BLTP2: variants seen among roughly 807,000 people sequenced by gnomAD.
The protein encoded by BLTP2 is bridge-like lipid transfer protein family member 2.
At chr17:28,644,911 T>A in the BLTP2 span, 1 of 1,128,140 alleles carries the variant, frequency 8.9e-7, no homozygotes, top group Non-Finnish European at 1.2e-6. Context: ...GCGCGCCCCC[T>A]CCTCAGTCTT....
At chr17:28,630,447 C>T in the BLTP2 span, among the ~76,000 whole-genome samples, 3 of 150,908 alleles carry the variant, frequency 2.0e-5, no homozygotes, top group South Asian at 6.3e-4. Context: ...CATGAGCCAC[C>T]TGAGCCCAGC....
the BLTP2 span, among the ~76,000 whole-genome samples, chr17:28,629,053 T>C: frequency 1.3e-5 from 2 of 152,088 alleles, no homozygotes; most frequent in Admixed American, 6.5e-5. Context: ...TTTTATTCTT[T>C]ATCAAAAAAC....
At chr17:28,636,856 T>C in the BLTP2 span, 3 of 877,448 alleles carry the variant, frequency 3.4e-6, no homozygotes, top group South Asian at 3.1e-5. Flanking sequence ...CTGGGCAACA[T>C]GTGACACTCT....
the BLTP2 span, among the ~76,000 whole-genome samples, chr17:28,622,165 A>G: frequency 6.6e-6 from 1 of 152,220 alleles, no homozygotes. Context: ...AAAATGCCAG[A>G]AAGATCCTGA....
chr17:28,619,397 A>G, the BLTP2 span, among the ~76,000 whole-genome samples: 1 of 152,088 alleles, frequency 6.6e-6, no homozygotes, highest in African/African-American at 2.4e-5. Flanking sequence ...TTGGGAGGCC[A>G]AGGCAGGAGG....
the BLTP2 span, chr17:28,639,263 A>G: frequency 1.2e-5 from 19 of 1,598,490 alleles, no homozygotes; most frequent in Non-Finnish European, 1.5e-5. Flanking sequence ...GGACCAAAAG[A>G]ATCCCAGAGA....
chr17:28,644,093 C>T, the BLTP2 span: 5 of 1,614,244 alleles, frequency 3.1e-6, no homozygotes, highest in Non-Finnish European at 4.2e-6. Context: ...TTAAGACTGA[C>T]ATTCTGGATC....
the BLTP2 span, among the ~76,000 whole-genome samples, chr17:28,640,918 G>A: frequency 4.6e-5 from 7 of 152,328 alleles, no homozygotes; most frequent in South Asian, 1.4e-3. Context: ...AAAAGAATGT[G>A]GACCTTAGGG....
chr17:28,641,153 T>A, the BLTP2 span, among the ~76,000 whole-genome samples: 65 of 152,348 alleles, frequency 4.3e-4, no homozygotes, highest in Non-Finnish European at 7.6e-4. Context: ...CTGTGGGAAC[T>A]CATGTATACA....
chr17:28,615,715 T>C, the BLTP2 span: 1 of 1,614,240 alleles, frequency 6.2e-7, no homozygotes, highest in Non-Finnish European at 8.5e-7. Flanking sequence ...TGGCAAAGTC[T>C]AGCCATGTCC....
At chr17:28,623,838 G>A in the BLTP2 span, 1 of 1,614,208 alleles carries the variant, frequency 6.2e-7, no homozygotes, top group Non-Finnish European at 8.5e-7. Flanking sequence ...CATCCAAGAG[G>A]CAAGTCCAGG....
At chr17:28,620,582 G>C in the BLTP2 span, 1 of 1,614,074 alleles carries the variant, frequency 6.2e-7, no homozygotes, top group Admixed American at 1.7e-5. Flanking sequence ...AGCTGGGTTG[G>C]TGGAAATTTC....
At chr17:28,633,204 T>C in the BLTP2 span, 1 of 1,597,228 alleles carries the variant, frequency 6.3e-7, no homozygotes, top group African/African-American at 1.3e-5. Flanking sequence ...CCCTGGTCAC[T>C]CACTTCCCCT....
the BLTP2 span, chr17:28,620,142 G>T: frequency 1.2e-6 from 1 of 840,392 alleles, no homozygotes; most frequent in Non-Finnish European, 1.8e-6. Flanking sequence ...TCTGTCACTG[G>T]TAATAGCAAC....
chr17:28,630,283 A>G, the BLTP2 span, among the ~76,000 whole-genome samples: 21 of 151,946 alleles, frequency 1.4e-4, no homozygotes, highest in African/African-American at 5.1e-4. Flanking sequence ...CAGCCTCCCG[A>G]GTAGCTGGGA....
chr17:28,636,486 T>C, the BLTP2 span, among the ~76,000 whole-genome samples: 11 of 152,196 alleles, frequency 7.2e-5, no homozygotes, highest in Non-Finnish European at 1.5e-4. Flanking sequence ...ATATTTATAG[T>C]TGAAATTATA....
the BLTP2 span, chr17:28,634,084 G>A: frequency 6.8e-6 from 11 of 1,613,660 alleles, no homozygotes; most frequent in East Asian, 2.2e-5. Flanking sequence ...TCCCTGATCC[G>A]AACTGTTACC....
chr17:28,619,684 A>T, the BLTP2 span: 1 of 1,614,076 alleles, frequency 6.2e-7, no homozygotes, highest in Non-Finnish European at 8.5e-7. Context: ...TTCACTTTCC[A>T]GCTGCAGGTT....
the BLTP2 span, chr17:28,619,805 C>T: frequency 1.4e-5 from 22 of 1,613,746 alleles, no homozygotes; most frequent in African/African-American, 1.2e-4. Context: ...ACTGAGAGAC[C>T]GCCCTCGTTC....
Sources: gnomAD v4.1 joint callset for allele counts (sites outside exome capture counted in the v4.1 genomes callset) on GRCh38, gnomAD v4.1.1 for gene constraint, MANE v1.5 for transcripts, NCBI Gene and HGNC (gene_info 2026-07-23, HGNC 2026-07-21) for gene names.